The following PRH1 variants were observed in gnomAD, a reference collection of about 807,000 sequenced individuals.
PRH1 encodes the protein salivary acidic proline-rich phosphoprotein 1/2.
A neutral mutation model predicts 7.9 loss-of-function variants in PRH1; 7 were observed. The ratio of observed to expected loss-of-function variants is 0.89; its 90% confidence interval spans 0.50 to 1.67. PRH1 has a LOEUF of 1.67. PRH1 is among the 40% of genes most tolerant of loss of function. The pLI, the probability that PRH1 is intolerant of heterozygous loss-of-function variation, is 0.00. For synonymous variants in PRH1, 45 were observed against 80.8 expected, an observed-to-expected ratio of 0.56 and a Z score of 2.38; for missense variants, 109 against 223.6, an observed-to-expected ratio of 0.49 and a Z score of 3.27.
chr12:10,930,168 T>G, intron 2 of PRH1: 3 of 1,347,048 alleles, frequency 2.2e-6, no homozygotes, highest in Non-Finnish European at 3.2e-6. Context: ...TCAAAGGGGA[T>G]GCACAGGGTG....
At chr12:11,056,183 C>CT (rs1411792914) in intron 1 of PRH1, among the ~76,000 whole-genome samples, 4 of 152,256 alleles carry the variant, frequency 2.6e-5, no homozygotes, top group African/African-American at 9.6e-5. Flanking sequence ...GAGCCTAATA[C>CT]TTAAATATTA....
intron 1 of PRH1, among the ~76,000 whole-genome samples, chr12:11,037,874 T>TA (rs142916449): frequency 7.9e-5 from 12 of 151,038 alleles, no homozygotes; most frequent in South Asian, 2.1e-4. Flanking sequence ...ACCTTGCCTC[T>TA]AAAAAAAAAT....
chr12:10,997,512 T>C lies in PRH1; in HGVS notation c.-125-23791A>G, dbSNP rs764482903. The C allele has an allele frequency of 9.9e-6, 16 of 1,613,816 alleles. No homozygotes were observed. Among genetic ancestry groups the C allele is most frequent in the East Asian group, 2.2e-5 (1 of 44,888 alleles). On this transcript the variant is annotated intron_variant, in intron 1 of 3. Coordinates refer to the PRH1 transcript ENST00000539853. ...AGAACTACACTCTTAGCCTTCCTTT[T>C]TAAGTGATGAAAAATAAGTCTGGAG...
intron 2 of PRH1, among the ~76,000 whole-genome samples, chr12:10,896,448 T>C (rs563895857): frequency 6.6e-6 from 1 of 152,274 alleles, no homozygotes; most frequent in Admixed American, 6.5e-5. Context: ...TCTGATATAA[T>C]ACCAAATCTT....
chr12:11,167,455 T>TA (rs1203867262), intron 1 of PRH1, among the ~76,000 whole-genome samples: 5 of 151,602 alleles, frequency 3.3e-5, no homozygotes, highest in Non-Finnish European at 4.4e-5. Flanking sequence ...ATTTTTTTTT[T>TA]TTTTTTTGAT....
intron 1 of PRH1, among the ~76,000 whole-genome samples, chr12:11,036,707 A>G (rs765788104): frequency 1.3e-5 from 2 of 152,222 alleles, no homozygotes; most frequent in Non-Finnish European, 2.9e-5. Flanking sequence ...TTGGAGCTTG[A>G]CTTGAACTTT....
At chr12:11,030,243 A>T (rs1429784133) in intron 1 of PRH1, 10 of 1,086,950 alleles carry the variant, frequency 9.2e-6, no homozygotes, top group African/African-American at 1.6e-5. Context: ...ACATATATAT[A>T]TTTTTTTTTC....
At position 11,084,080 on chromosome 12, in the gene PRH1, G is replaced by A. The variant is rs150566953; in HGVS notation, n.124-36892C>T. Among the ~76,000 whole-genome samples the A allele has an allele frequency of 6.4e-4, 84 of 131,832 alleles. 8 individuals are homozygous for A. Among genetic ancestry groups the A allele is most frequent in the African/African-American group, 2.1e-3 (79 of 37,424 alleles). 86.5% of individuals were successfully genotyped at this position (131,832 alleles called of 152,430 possible). ...AAAAGTTTAAGTCTTAGCCAATCAGGATCAGTTTAGATAGCACGGTCCAAC... is the reference window on the plus strand; with the variant it reads ...AAAAGTTTAAGTCTTAGCCAATCAGAATCAGTTTAGATAGCACGGTCCAAC... On this transcript the variant is annotated intron_variant and non_coding_transcript_variant, in intron 1 of 4. Transcript: ENST00000541977.
chr12:10,941,022 T>C (rs1308640042), intron 2 of PRH1, among the ~76,000 whole-genome samples: 3 of 152,100 alleles, frequency 2.0e-5, no homozygotes, highest in Non-Finnish European at 2.9e-5. Flanking sequence ...AGGCTAGAAG[T>C]ACAAACGTAC....
At chr12:11,008,269 G>A (rs1442309589) in intron 1 of PRH1, among the ~76,000 whole-genome samples, 1 of 151,984 alleles carries the variant, frequency 6.6e-6, no homozygotes, top group Non-Finnish European at 1.5e-5. Context: ...AGTACGTAAT[G>A]AGAAGATTAA....
chr12:10,910,677 A>C (rs1174782275), intron 2 of PRH1, among the ~76,000 whole-genome samples: 4 of 152,134 alleles, frequency 2.6e-5, no homozygotes, highest in African/African-American at 7.2e-5. Flanking sequence ...AAACTACCGA[A>C]AAAAAGTGGA....
At chr12:11,007,155 G>C (rs1249055170) in intron 1 of PRH1, among the ~76,000 whole-genome samples, 1 of 152,016 alleles carries the variant, frequency 6.6e-6, no homozygotes, top group Non-Finnish European at 1.5e-5. Flanking sequence ...TTTAATGCTA[G>C]ATTTAAATAT....
intron 2 of PRH1, among the ~76,000 whole-genome samples, chr12:10,899,952 G>A (rs980755164): frequency 6.6e-6 from 1 of 151,924 alleles, no homozygotes; most frequent in Non-Finnish European, 1.5e-5. Context: ...ACAAAGCAAG[G>A]GATGACCTGA....
At chr12:11,128,788 T>C (rs1946225750) in intron 1 of PRH1, among the ~76,000 whole-genome samples, 2 of 152,224 alleles carry the variant, frequency 1.3e-5, no homozygotes, top group South Asian at 4.1e-4. Context: ...TTTCATTGGT[T>C]AGTTTTGTTA....
At chr12:10,957,605 G>C (rs1429503421) in intron 2 of PRH1, among the ~76,000 whole-genome samples, 1 of 152,032 alleles carries the variant, frequency 6.6e-6, no homozygotes, top group Non-Finnish European at 1.5e-5. Context: ...CACAAGAAAA[G>C]AAACTATCAA....
At position 10,939,193 on chromosome 12, in the gene PRH1, T is replaced by C. The variant is rs79297986; in HGVS notation, c.-59+34462A>G. 916 of 1,573,182 alleles carry C rather than the reference T, an allele frequency of 5.8e-4. 5 individuals carry two copies. In the African/African-American group the frequency reaches 0.011, roughly 19 times the overall value. ...TTAAAACGAATGTAAATATGCTCTT[T>C]ATGACACCACCCATTGCCTGTAAGA... On this transcript the variant is annotated intron_variant, in intron 2 of 3. Transcript: ENST00000539853.
At chr12:10,909,280 T>C (rs1949859618) in intron 2 of PRH1, 1 of 1,612,472 alleles carries the variant, frequency 6.2e-7, no homozygotes, top group East Asian at 2.2e-5. Flanking sequence ...GTGAAGATAC[T>C]CGGCAGGGCA....
chr12:10,903,910 C>T (rs1326594607), intron 2 of PRH1, among the ~76,000 whole-genome samples: 2 of 55,120 alleles, frequency 3.6e-5, no homozygotes, highest in Non-Finnish European at 7.9e-5. Flanking sequence ...ATCAAGAATG[C>T]AATCCCATTT....
chr12:11,170,691 G>C (rs184713625), intron 1 of PRH1, among the ~76,000 whole-genome samples: 18 of 152,352 alleles, frequency 1.2e-4, no homozygotes, highest in Admixed American at 2.0e-4. Context: ...GGTTTACATG[G>C]CTGGGAATAT....
Sources: gnomAD v4.1 joint callset for allele counts (sites outside exome capture counted in the v4.1 genomes callset) on GRCh38, gnomAD v4.1.1 for gene constraint, MANE v1.5 for transcripts, NCBI Gene and HGNC (gene_info 2026-07-23, HGNC 2026-07-21) for gene names.